ADAM32: variants seen among roughly 807,000 people sequenced by gnomAD.
The protein encoded by ADAM32 is ADAM metallopeptidase domain 32, also known as disintegrin and metalloproteinase domain-containing protein 32.
A neutral mutation model predicts 114.9 loss-of-function variants in ADAM32; 89 were observed. That is an observed-to-expected ratio of 0.77 (90% CI 0.65 to 0.92). ADAM32 has a LOEUF of 0.92. ADAM32 is among the 40% of genes least tolerant of loss of function. The pLI, the probability that ADAM32 is intolerant of heterozygous loss-of-function variation, is 0.00. For missense variants in ADAM32, 870 were observed against 932.8 expected, an observed-to-expected ratio of 0.93 and a Z score of 0.88; for synonymous variants, 285 against 307.5, an observed-to-expected ratio of 0.93 and a Z score of 0.77.
intron 19 of ADAM32, among the ~76,000 whole-genome samples, chr8:39,270,294 CCTACTT>C (rs1287968878): frequency 1.3e-5 from 2 of 152,112 alleles, no homozygotes; most frequent in Non-Finnish European, 2.9e-5. Flanking sequence ...ACTTGGGAGT[CCTACTT>C]CTCTTCTTGA....
chr8:39,265,013 G>C (rs566617342), intron 19 of ADAM32, among the ~76,000 whole-genome samples: 4 of 152,066 alleles, frequency 2.6e-5, no homozygotes. Flanking sequence ...GTCAAGTGCC[G>C]CGTTAAGTCC....
At chr8:39,161,932 A>G (rs1444607594) in intron 7 of ADAM32, among the ~76,000 whole-genome samples, 1 of 151,292 alleles carries the variant, frequency 6.6e-6, no homozygotes, top group Non-Finnish European at 1.5e-5. Context: ...TTTTTGGATT[A>G]TGTTATATAT....
intron 2 of ADAM32, among the ~76,000 whole-genome samples, chr8:39,122,004 G>T (rs922709417): frequency 6.6e-6 from 1 of 152,158 alleles, no homozygotes; most frequent in Non-Finnish European, 1.5e-5. Context: ...GTTGGCATGG[G>T]AATAGCTATT....
chr8:39,250,923 G>C (rs1447302607), intron 17 of ADAM32, among the ~76,000 whole-genome samples: 5 of 151,820 alleles, frequency 3.3e-5, no homozygotes, highest in Non-Finnish European at 7.4e-5. Flanking sequence ...GAGAACATGT[G>C]ATATTTATCT....
rs548534824 is a variant in ADAM32 at position 39,191,326 on chromosome 8, C to T, written c.1052+4281C>T. 3.3e-5 allele frequency among the ~76,000 whole-genome samples: 5 copies of T among 152,290 alleles called. No individual in the cohort carries two copies. The South Asian group carries it at 1.0e-3, about 32-fold the overall frequency. ...TATTTTTAGCTTTTTGAGGAATCAA[C>T]ACACGTTTTCTACAATGGTTGAACT... is the stretch of plus-strand genomic sequence containing the variant. On this transcript the variant is annotated intron_variant, in intron 11 of 24. Coordinates refer to ENST00000379907, the MANE Select transcript of ADAM32 (RefSeq NM_145004.7).
chr8:39,158,092 C>G, intron 6 of ADAM32: 1 of 240,642 alleles, frequency 4.2e-6, no homozygotes, highest in Admixed American at 4.4e-5. Context: ...CTTGTCCTGC[C>G]CAAACGCTTG....
At chr8:39,116,514 T>C (rs1840383111) in intron 1 of ADAM32, among the ~76,000 whole-genome samples, 1 of 152,144 alleles carries the variant, frequency 6.6e-6, no homozygotes, top group South Asian at 2.1e-4. Context: ...GATGGGATCC[T>C]GTTCTTATTT....
chr8:39,244,825 A>G (rs917306055), intron 16 of ADAM32, among the ~76,000 whole-genome samples: 2 of 152,112 alleles, frequency 1.3e-5, no homozygotes, highest in African/African-American at 4.8e-5. Flanking sequence ...CGTTGTGCAC[A>G]TGTATCCTAA....
intron 11 of ADAM32, among the ~76,000 whole-genome samples, chr8:39,197,662 A>G (rs533732881): frequency 2.0e-4 from 30 of 152,076 alleles, no homozygotes; most frequent in Non-Finnish European, 2.9e-4. Context: ...CTTTTATTTC[A>G]TATGGTCTAA....
At chr8:39,254,717 T>A (rs1158067995) in intron 18 of ADAM32, among the ~76,000 whole-genome samples, 1 of 151,680 alleles carries the variant, frequency 6.6e-6, no homozygotes, top group Non-Finnish European at 1.5e-5. Flanking sequence ...ATCAATTAAT[T>A]TTTTTTATTT....
chr8:39,234,187 A>C (rs1024937765), intron 16 of ADAM32, 105 bp downstream of exon 16: 143 of 888,424 alleles, frequency 1.6e-4, no homozygotes, highest in Non-Finnish European at 1.9e-4. Context: ...GGTAATCTTA[A>C]ATGTTTGGAG....
intron 20 of ADAM32, among the ~76,000 whole-genome samples, chr8:39,272,614 A>T (rs1310958147): frequency 6.6e-6 from 1 of 152,178 alleles, no homozygotes; most frequent in African/African-American, 2.4e-5. Context: ...ATATGTCTGT[A>T]TAGGGCACTT....
At chr8:39,219,328 C>T (rs1329305893) in intron 12 of ADAM32, among the ~76,000 whole-genome samples, 1 of 152,134 alleles carries the variant, frequency 6.6e-6, no homozygotes, top group Non-Finnish European at 1.5e-5. Context: ...CTAGGACTTG[C>T]CTAGTCATTG....
chr8:39,113,752 T>C (rs1279006590), intron 1 of ADAM32, among the ~76,000 whole-genome samples: 1 of 152,212 alleles, frequency 6.6e-6, no homozygotes, highest in Non-Finnish European at 1.5e-5. Flanking sequence ...TTTCACATCA[T>C]GCAACTTGAC....
chr8:39,185,891 T>A (rs1456590784), intron 10 of ADAM32, among the ~76,000 whole-genome samples: 1 of 152,094 alleles, frequency 6.6e-6, no homozygotes, highest in African/African-American at 2.4e-5. Flanking sequence ...CTTTTTTTTT[T>A]TTTAAATGCA....
chr8:39,172,685 A>G (rs1033802566), intron 10 of ADAM32, among the ~76,000 whole-genome samples: 2 of 152,134 alleles, frequency 1.3e-5, no homozygotes, highest in African/African-American at 4.8e-5. Context: ...ATAGTATTCC[A>G]TGGTGTACAT....
chr8:39,191,815 A>T (rs1270769588), intron 11 of ADAM32, among the ~76,000 whole-genome samples: 1 of 152,066 alleles, frequency 6.6e-6, no homozygotes, highest in African/African-American at 2.4e-5. Flanking sequence ...TTCATCATGA[A>T]ATGTTTCCAG....
chr8:39,274,670 C>T (rs548625075), intron 21 of ADAM32, among the ~76,000 whole-genome samples: 3 of 152,236 alleles, frequency 2.0e-5, no homozygotes, highest in Admixed American at 6.5e-5. Flanking sequence ...CAGAGAGAGC[C>T]ATGTGCTTCA....
At chr8:39,155,752 C>G (rs1195714087) in intron 6 of ADAM32, among the ~76,000 whole-genome samples, 1 of 152,018 alleles carries the variant, frequency 6.6e-6, no homozygotes, top group Non-Finnish European at 1.5e-5. Flanking sequence ...TTTTTTGTCT[C>G]TATTTCTCTA....
Sources: allele counts gnomAD v4.1 joint callset (sites outside exome capture counted in the v4.1 genomes callset), GRCh38; gene constraint gnomAD v4.1.1; transcripts MANE v1.5; gene names NCBI Gene and HGNC (gene_info 2026-07-23, HGNC 2026-07-21).